The following CYP4B1 variants were observed in gnomAD, a reference collection of about 807,000 sequenced individuals.
CYP4B1 encodes cytochrome P450 family 4 subfamily B member 1, also known as cytochrome P450 4B1.
CYP4B1 carries 45 observed loss-of-function variants against 54.0 expected under a neutral mutation model. That is an observed-to-expected ratio of 0.83 (90% CI 0.66 to 1.07). The LOEUF is 1.07. Among genes scored for constraint, CYP4B1 ranks in the 50% least tolerant of loss-of-function variants. The pLI is 0.00. For missense variants in CYP4B1, 656 were observed against 655.4 expected, an observed-to-expected ratio of 1.00 and a Z score of -0.01; for synonymous variants, 248 against 247.5, an observed-to-expected ratio of 1.00 and a Z score of -0.02.
chr1:46,811,077 T>G, intron 2 of CYP4B1, 63 bp from the exon 3 acceptor site: 3 of 1,606,046 alleles, frequency 1.9e-6, no homozygotes, highest in Non-Finnish European at 2.6e-6. Flanking sequence ...CCCACCCTAC[T>G]CATAAATGAG....
intron 1 of CYP4B1, among the ~76,000 whole-genome samples, chr1:46,804,603 A>C (rs919295549): frequency 6.6e-6 from 1 of 151,918 alleles, no homozygotes; most frequent in African/African-American, 2.4e-5. Flanking sequence ...CAGGCCCTGC[A>C]TGCTTCTCTC....
chr1:46,799,189 G>C lies in CYP4B1; in HGVS notation c.108G>C (p.Arg36Ser), dbSNP rs1678505673. Residue 36 changes from arginine to serine, a missense_variant, in exon 1 of 12, where the codon AGG becomes AGC. By Grantham distance (110) the Arg-to-Ser change is moderately radical (BLOSUM62 -1). Coordinates refer to ENST00000371923, the MANE Select transcript of CYP4B1 (RefSeq NM_001099772.2). ...AGCTCATCCACCTGCTGCTGCGGAG[G>C]CAGACGTTGGCTAAGGCTATGGACA... ...FLKLIHLLLR[R>S]QTLAKAMDKF... 1.2e-6 allele frequency: 2 copies of C among 1,610,568 alleles called. No homozygotes were observed. The highest frequency in any genetic ancestry group is 2.7e-5 in the African/African-American group (2 of 74,880).
At chr1:46,800,133 T>C (rs962919657) in intron 1 of CYP4B1, among the ~76,000 whole-genome samples, 8 of 152,120 alleles carry the variant, frequency 5.3e-5, no homozygotes, top group African/African-American at 1.9e-4. Flanking sequence ...CCTCTCTTTT[T>C]CCTTTCCTTT....
chr1:46,813,354 C>A (rs1679188090), intron 4 of CYP4B1, 128 bp from the exon 5 acceptor site: 7 of 1,113,190 alleles, frequency 6.3e-6, no homozygotes, highest in Non-Finnish European at 9.2e-6. Flanking sequence ...AGGACAGGGA[C>A]TGGGAGTGTG....
chr1:46,818,522 A>T, intron 11 of CYP4B1, 109 bp from the exon 12 acceptor site: 1 of 1,156,352 alleles, frequency 8.6e-7, no homozygotes, highest in Non-Finnish European at 1.3e-6. Context: ...TCTATCAGCC[A>T]GTTATTCATC....
rs1332798608 is a variant in CYP4B1, at chr1:46,819,031, A to G, written c.*217A>G. On this transcript the variant is annotated 3_prime_UTR_variant, in exon 12 of 12. Coordinates refer to ENST00000371923, the MANE Select transcript of CYP4B1 (RefSeq NM_001099772.2). ...CATGCATGTATTCTAGAGCTCATTC[A>G]TTTATTCAACAAACATTTGGTGAGC... 2.4e-5 allele frequency: 11 copies of G among 450,776 alleles called. No individual in the cohort carries two copies. The highest frequency in any genetic ancestry group is 4.3e-5 in the Non-Finnish European group (11 of 256,860). The allele number at this position is 450,776 out of a possible 1,614,324, so 27.9% of individuals were successfully genotyped here. A position where few individuals can be genotyped will look rare whatever the true frequency, so the allele number is the denominator to read the frequency against.
intron 4 of CYP4B1, among the ~76,000 whole-genome samples, chr1:46,812,883 C>T (rs1679169427): frequency 6.6e-6 from 1 of 152,204 alleles, no homozygotes. Flanking sequence ...AGCCCTCTTT[C>T]CTCCCAGGCC....
chr1:46,800,582 G>A (rs1447702489), intron 1 of CYP4B1, among the ~76,000 whole-genome samples: 1 of 151,914 alleles, frequency 6.6e-6, no homozygotes, highest in East Asian at 1.9e-4. Flanking sequence ...CACCTGCCTC[G>A]GCCTCCCAAA....
chr1:46,812,787 C>T (rs570776933), intron 4 of CYP4B1, among the ~76,000 whole-genome samples, 164 bp downstream of exon 4: 29 of 152,276 alleles, frequency 1.9e-4, no homozygotes, highest in African/African-American at 7.0e-4. Context: ...CCCTGCTCTA[C>T]TGACATGTGC....
chr1:46,812,472 C>T (rs916243017), intron 3 of CYP4B1, 24 bp from the exon 4 acceptor site: 3 of 1,604,074 alleles, frequency 1.9e-6, no homozygotes, highest in Admixed American at 1.7e-5. Context: ...CTGACCAGCC[C>T]TCTCTCTCCC....
At chr1:46,810,775 C>T (rs747331969) in intron 1 of CYP4B1, 33 bp from the exon 2 acceptor site, 78 of 1,613,372 alleles carry the variant, frequency 4.8e-5, no homozygotes, top group Non-Finnish European at 6.4e-5. Flanking sequence ...CAATGTGTTC[C>T]TGAGTGACCT....
At chr1:46,814,940 G>A in intron 7 of CYP4B1, 134 bp from the exon 8 acceptor site, 6 of 709,252 alleles carry the variant, frequency 8.5e-6, no homozygotes, top group Non-Finnish European at 1.4e-5. Flanking sequence ...TCTGGGGGAA[G>A]GTCCTAATCC....
At chr1:46,810,455 A>G (rs1679051729) in intron 1 of CYP4B1, among the ~76,000 whole-genome samples, 1 of 152,180 alleles carries the variant, frequency 6.6e-6, no homozygotes. Context: ...TTGCACAATG[A>G]GCAAATATTA....
chr1:46,818,248 C>T (rs1196901432), intron 11 of CYP4B1, 35 bp downstream of exon 11: 1 of 1,583,100 alleles, frequency 6.3e-7, no homozygotes, highest in Non-Finnish European at 8.7e-7. Context: ...GCCCTCAGGA[C>T]TGGGGAGGAG....
In CYP4B1 at chr1:46,817,985, A is replaced by G; in HGVS notation, c.1228A>G (p.Ile410Val). Residue 410 changes from isoleucine (I) to valine (V), a missense_variant, in exon 10 of 12, where the codon ATC (isoleucine) becomes GTC (valine). Ile to Val is a conservative substitution (Grantham distance 29, BLOSUM62 3). Coordinates refer to ENST00000371923, the MANE Select transcript of CYP4B1 (RefSeq NM_001099772.2). ...LPAGSLISMH[I>V]YALHRNSAVW... Reference sequence around the variant, plus strand: ...CACAGGAAGCCTGATCTCTATGCATATCTATGCCCTCCATAGGAACAGTGC... The same window carrying G: ...CACAGGAAGCCTGATCTCTATGCATGTCTATGCCCTCCATAGGAACAGTGC... 3 of 1,614,096 alleles carry G rather than the reference A, an allele frequency of 1.9e-6. No individual in the cohort carries two copies. Among genetic ancestry groups the G allele is most frequent in the East Asian group, 2.2e-5 (1 of 44,880 alleles).
At chr1:46,808,674 G>A (rs1016033128) in intron 1 of CYP4B1, among the ~76,000 whole-genome samples, 15 of 150,922 alleles carry the variant, frequency 9.9e-5, no homozygotes, top group Non-Finnish European at 2.1e-4. Flanking sequence ...GCACACGTAT[G>A]TTTATTGCGG....
chr1:46,814,837 C>A, intron 7 of CYP4B1: 1 of 550,540 alleles, frequency 1.8e-6, no homozygotes, highest in Non-Finnish European at 3.2e-6. Flanking sequence ...ACAGTCAGGG[C>A]TGGACAAGGT....
intron 1 of CYP4B1, among the ~76,000 whole-genome samples, chr1:46,807,695 G>A (rs944210555): frequency 2.0e-5 from 3 of 152,226 alleles, no homozygotes; most frequent in East Asian, 3.8e-4. Flanking sequence ...TCAGGATTCT[G>A]CGTTCAGAGG....
chr1:46,818,358 T>C, intron 11 of CYP4B1, 145 bp downstream of exon 11: 2 of 812,008 alleles, frequency 2.5e-6, no homozygotes, highest in Non-Finnish European at 4.0e-6. Context: ...AGGCTTCTTC[T>C]TGCAATTATC....
Sources: gnomAD v4.1 joint callset for allele counts (sites outside exome capture counted in the v4.1 genomes callset) on GRCh38, gnomAD v4.1.1 for gene constraint, MANE v1.5 for transcripts, NCBI Gene and HGNC (gene_info 2026-07-23, HGNC 2026-07-21) for gene names.